Variants in PCDHA5 observed in about 807,000 individuals in gnomAD.
PCDHA5 encodes the protein protocadherin alpha 5.
A neutral mutation model predicts 61.6 loss-of-function variants in PCDHA5; 43 were observed. That is an observed-to-expected ratio of 0.70 (90% CI 0.55 to 0.90). The LOEUF (loss-of-function observed/expected upper bound fraction) is 0.90. Ranked by LOEUF, PCDHA5 falls within the 40% of genes least tolerant of loss-of-function variation. The probability of loss-of-function intolerance (pLI) is 0.00; values close to 1 mark genes in which losing one functional copy is unlikely to be tolerated. For missense variants in PCDHA5, 1,298 were observed against 1,222.7 expected (o/e 1.06, Z -0.92); for synonymous variants, 627 against 543.9 (o/e 1.15, Z -2.13).
chr5:140,883,403 T>G, intron 1 of PCDHA5: 1 of 1,614,168 alleles, frequency 6.2e-7, no homozygotes, highest in Non-Finnish European at 8.5e-7. Context: ...CGATCGTGAC[T>G]CTGGCTCAAA....
chr5:140,884,733 T>A (rs782206169), intron 1 of PCDHA5: 2 of 1,448,004 alleles, frequency 1.4e-6, no homozygotes, highest in African/African-American at 1.4e-5. Flanking sequence ...GTTTAAGACA[T>A]CTTTCCTGCC....
chr5:140,843,593 G>T, intron 1 of PCDHA5: 2 of 1,596,072 alleles, frequency 1.3e-6, no homozygotes, highest in Non-Finnish European at 1.7e-6. Flanking sequence ...GCCGCAGAGG[G>T]TGTGCTCTGG....
intron 1 of PCDHA5, chr5:140,868,773 G>T: frequency 3.8e-6 from 1 of 263,102 alleles, no homozygotes. Flanking sequence ...GTTTCAATAT[G>T]ACTTATAATC....
chr5:140,942,633 G>T (rs1554215141), intron 1 of PCDHA5, among the ~76,000 whole-genome samples: 1 of 151,380 alleles, frequency 6.6e-6, no homozygotes, highest in Non-Finnish European at 1.5e-5. Context: ...AAAAAAAATG[G>T]CAAAAGAGAT....
At chr5:140,829,760 G>A (rs2150174077) in intron 1 of PCDHA5, 1 of 1,613,780 alleles carries the variant, frequency 6.2e-7, no homozygotes, top group Admixed American at 1.7e-5. Flanking sequence ...GTTCGTGCTG[G>A]ACGAGAACGA....
rs2150432258 is a variant in PCDHA5 at position 140,849,188 on chromosome 5, G to T, written c.2352+25061G>T. Reference sequence around the variant, plus strand: ...CTGGCACCGTTCAATTACTCATCACGGTACTGGACAACAATGACAATGCCC... The same window carrying T: ...CTGGCACCGTTCAATTACTCATCACTGTACTGGACAACAATGACAATGCCC... On this transcript the variant is annotated intron_variant, in intron 1 of 3. Transcript: ENST00000529859. The T allele has an allele frequency of 1.1e-3, 1,187 of 1,054,992 alleles. 42 individuals carry two copies. In the African/African-American group the frequency reaches 0.02, roughly 18 times the overall value. The allele number at this position is 1,054,992 out of a possible 1,614,324, so 65.4% of individuals were successfully genotyped here. A position where few individuals can be genotyped will look rare whatever the true frequency, so the allele number is the denominator to read the frequency against.
At chr5:140,901,485 C>T (rs894282962) in intron 1 of PCDHA5, among the ~76,000 whole-genome samples, 1 of 152,086 alleles carries the variant, frequency 6.6e-6, no homozygotes, top group African/African-American at 2.4e-5. Context: ...GTTCTTGGCA[C>T]CTTCATCGAA....
chr5:140,827,934 A>C, intron 1 of PCDHA5: 104 of 1,010,174 alleles, frequency 1.0e-4, no homozygotes, highest in Middle Eastern at 2.8e-4. Context: ...ATGAAGTTAT[A>C]GCTAGCCAAC....
chr5:140,987,096 C>T (rs1266691790), intron 3 of PCDHA5, among the ~76,000 whole-genome samples: 3 of 151,912 alleles, frequency 2.0e-5, no homozygotes, highest in African/African-American at 7.3e-5. Context: ...TGCCTGTAAT[C>T]CCAGCTACTC....
rs943336645 is a variant in PCDHA5 at position 140,847,564 on chromosome 5, G to A, written c.2352+23437G>A. On this transcript the variant is annotated intron_variant, in intron 1 of 3. Coordinates refer to ENST00000529859, the MANE Select transcript of PCDHA5 (RefSeq NM_018908.3). ...TAGCTTTAAAAACAGAAATTGCCCC[G>A]AGTACTAAGGATGAGCAATAATGAA... The A allele has an allele frequency of 3.3e-5, 5 of 149,268 alleles. 1 individual carries two copies. The highest frequency in any genetic ancestry group is 1.3e-4 in the Admixed American group (2 of 14,886). The allele number at this position is 149,268 out of a possible 1,614,324, so 9.2% of individuals were successfully genotyped here. A position where few individuals can be genotyped will look rare whatever the true frequency, so the allele number is the denominator to read the frequency against.
chr5:140,871,582 GT>G, intron 1 of PCDHA5: 2 of 1,468,826 alleles, frequency 1.4e-6, no homozygotes, highest in Non-Finnish European at 1.8e-6. Flanking sequence ...TTAAGGGAAA[GT>G]TTTATGAATA....
intron 3 of PCDHA5, among the ~76,000 whole-genome samples, chr5:141,004,046 C>A (rs79317939): frequency 0.03 from 4,581 of 152,294 alleles, 86 homozygotes; most frequent in Non-Finnish European, 0.047. Flanking sequence ...TGATCATTTG[C>A]TGATACTGGC....
chr5:141,000,421 A>ATATTTTT (rs1265241806), intron 3 of PCDHA5, among the ~76,000 whole-genome samples: 1 of 27,968 alleles, frequency 3.6e-5, no homozygotes, highest in Non-Finnish European at 5.7e-5. Context: ...ATATATATAT[A>ATATTTTT]TTTTTTTTTT....
chr5:140,858,711 A>T, intron 1 of PCDHA5: 1 of 537,382 alleles, frequency 1.9e-6, no homozygotes, highest in East Asian at 3.0e-5. Context: ...TATGTGATAT[A>T]GGTTGCAGTT....
At chr5:140,900,776 G>A (rs1407126944) in intron 1 of PCDHA5, among the ~76,000 whole-genome samples, 1 of 152,172 alleles carries the variant, frequency 6.6e-6, no homozygotes, top group Non-Finnish European at 1.5e-5. Flanking sequence ...GCTTTTTGAG[G>A]AAACTCCAAA....
At chr5:140,825,512 C>G (rs1351857242) in intron 1 of PCDHA5, 1 of 150,882 alleles carries the variant, frequency 6.6e-6, no homozygotes, top group Non-Finnish European at 1.5e-5. Context: ...ACAATCTTGG[C>G]CTCCCAGGTT....
At chr5:140,919,069 A>G (rs2078992601) in intron 1 of PCDHA5, among the ~76,000 whole-genome samples, 1 of 152,200 alleles carries the variant, frequency 6.6e-6, no homozygotes, top group African/African-American at 2.4e-5. Context: ...TAAAGTCTCC[A>G]GTTATGACTA....
rs183247098 is a variant in PCDHA5 at position 140,949,419 on chromosome 5, T to G, written c.2353-29530T>G. On this transcript the variant is annotated intron_variant, in intron 1 of 3. Coordinates refer to ENST00000529859, the MANE Select transcript of PCDHA5 (RefSeq NM_018908.3). ...TGTTAAAAATCACCTATCATCATTGTGTTTATCTCTTTGTGCCCATTTTTG... is the reference window on the plus strand; with the variant it reads ...TGTTAAAAATCACCTATCATCATTGGGTTTATCTCTTTGTGCCCATTTTTG... Among the ~76,000 whole-genome samples the G allele has an allele frequency of 2.5e-3, 382 of 151,992 alleles. 3 individuals are homozygous for G. The highest frequency in any genetic ancestry group is 0.018 in the South Asian group (86 of 4,828).
intron 1 of PCDHA5, among the ~76,000 whole-genome samples, chr5:140,939,456 T>C (rs1554212738): frequency 6.6e-6 from 1 of 152,206 alleles, no homozygotes; most frequent in Non-Finnish European, 1.5e-5. Flanking sequence ...GTGAAATTTA[T>C]AGGCCTAGAA....
Sources: allele counts gnomAD v4.1 joint callset (sites outside exome capture counted in the v4.1 genomes callset), GRCh38; gene constraint gnomAD v4.1.1; transcripts MANE v1.5; gene names NCBI Gene and HGNC (gene_info 2026-07-23, HGNC 2026-07-21).